Variants in MACROD2 observed in about 807,000 individuals in gnomAD.
The protein encoded by MACROD2 is mono-ADP ribosylhydrolase 2, also known as ADP-ribose glycohydrolase MACROD2.
Under a neutral mutation model 70.4 loss-of-function variants are expected in MACROD2, and 36 were observed. The ratio of observed to expected loss-of-function variants is 0.51; its 90% CI spans 0.39 to 0.68. The LOEUF (loss-of-function observed/expected upper bound fraction) is 0.68. Ranked by LOEUF, MACROD2 falls within the 30% of genes least tolerant of loss-of-function variation. The probability of loss-of-function intolerance (pLI) is 0.00; values close to 1 mark genes in which losing one functional copy is unlikely to be tolerated. For missense variants in MACROD2, 496 were observed against 538.4 expected (o/e 0.92, Z 0.78); for synonymous variants, 172 against 178.8 (o/e 0.96, Z 0.30).
chr20:15,637,455 C>T (rs937478310), intron 8 of MACROD2, among the ~76,000 whole-genome samples: 6 of 152,184 alleles, frequency 3.9e-5, no homozygotes, highest in African/African-American at 1.4e-4. Context: ...ACTAGGAGAA[C>T]CCAGGGGACC....
intron 3 of MACROD2, among the ~76,000 whole-genome samples, chr20:14,095,270 T>C (rs1238669306): frequency 6.6e-6 from 1 of 151,926 alleles, no homozygotes; most frequent in African/African-American, 2.4e-5. Flanking sequence ...TAAAAAAAAA[T>C]TGTGGGAAAC....
intron 3 of MACROD2, among the ~76,000 whole-genome samples, chr20:14,224,670 A>T (rs914189726): frequency 6.6e-6 from 1 of 152,186 alleles, no homozygotes; most frequent in Non-Finnish European, 1.5e-5. Flanking sequence ...TTTAGAGGTC[A>T]TTTATTGTGA....
chr20:15,740,894 C>T (rs1392582486), intron 8 of MACROD2, among the ~76,000 whole-genome samples: 2 of 151,972 alleles, frequency 1.3e-5, no homozygotes, highest in East Asian at 1.9e-4. Flanking sequence ...CTCCACTGCT[C>T]GCGTGCTATC....
At chr20:15,967,525 A>G (rs752683011) in intron 12 of MACROD2, 28 bp from the exon 13 acceptor site, 12 of 1,590,356 alleles carry the variant, frequency 7.5e-6, no homozygotes, top group South Asian at 1.1e-5. Context: ...AAAAATGCTG[A>G]CCAAAGGTTT....
intron 8 of MACROD2, among the ~76,000 whole-genome samples, chr20:15,811,325 A>G (rs934617054): frequency 1.3e-5 from 2 of 151,844 alleles, no homozygotes; most frequent in East Asian, 3.9e-4. Flanking sequence ...CAGCCAAAAA[A>G]CACATGAAAA....
chr20:15,051,465 G>A (rs1456219432), intron 5 of MACROD2, among the ~76,000 whole-genome samples: 1 of 151,400 alleles, frequency 6.6e-6, no homozygotes, highest in East Asian at 1.9e-4. Flanking sequence ...CCATAGGGCA[G>A]GCAGGACAGC....
intron 8 of MACROD2, among the ~76,000 whole-genome samples, chr20:15,606,223 C>G (rs1466402673): frequency 6.6e-6 from 1 of 152,100 alleles, no homozygotes; most frequent in African/African-American, 2.4e-5. Flanking sequence ...TCTCAGTCGC[C>G]TTTTTAGCAG....
At chr20:14,743,726 G>T (rs569264820) in intron 5 of MACROD2, among the ~76,000 whole-genome samples, 1 of 152,296 alleles carries the variant, frequency 6.6e-6, no homozygotes, top group South Asian at 2.1e-4. Flanking sequence ...TTCCATATAT[G>T]TCCATATCCT....
At chr20:14,940,773 A>G (rs993713302) in intron 5 of MACROD2, among the ~76,000 whole-genome samples, 5 of 151,948 alleles carry the variant, frequency 3.3e-5, no homozygotes, top group African/African-American at 4.8e-5. Context: ...TATCTTTTCA[A>G]TGTGTTGTAA....
intron 6 of MACROD2, among the ~76,000 whole-genome samples, chr20:15,298,228 G>C (rs2077609259): frequency 6.6e-6 from 1 of 152,210 alleles, no homozygotes; most frequent in African/African-American, 2.4e-5. Flanking sequence ...GAAGCCTCTG[G>C]AACAGGGGTT....
rs113058836 is a variant in MACROD2, at chr20:14,886,149, G to A, written c.418+201190G>A. On this transcript the variant is annotated intron_variant, in intron 5 of 17. Coordinates refer to ENST00000684519, the MANE Select transcript of MACROD2 (RefSeq NM_001351661.2). ...ATGTTGCAGTTTTGGCAAAATCCAG[G>A]TAAGGCCCCACTGGGCAGGTGTCAT... Among the ~76,000 whole-genome samples the A allele has an allele frequency of 1.4e-3, 220 of 152,272 alleles. 2 individuals are homozygous for A. The highest frequency in any genetic ancestry group is 4.7e-3 in the African/African-American group (197 of 41,560).
At chr20:15,678,576 G>A (rs946232463) in intron 8 of MACROD2, among the ~76,000 whole-genome samples, 17 of 152,204 alleles carry the variant, frequency 1.1e-4, no homozygotes, top group Non-Finnish European at 1.5e-5. Context: ...AGCCAGGATG[G>A]TCTCAATCTC....
intron 3 of MACROD2, among the ~76,000 whole-genome samples, chr20:14,206,312 C>A (rs1009737171): frequency 6.6e-6 from 1 of 152,198 alleles, no homozygotes; most frequent in Non-Finnish European, 1.5e-5. Context: ...CGCTGTGGAA[C>A]TGATGGGGCA....
At chr20:15,704,061 A>G (rs1378793470) in intron 8 of MACROD2, among the ~76,000 whole-genome samples, 1 of 152,210 alleles carries the variant, frequency 6.6e-6, no homozygotes, top group Non-Finnish European at 1.5e-5. Flanking sequence ...ACCATCTTGG[A>G]GCCACACCAT....
intron 8 of MACROD2, among the ~76,000 whole-genome samples, chr20:15,716,867 A>G (rs1272431847): frequency 6.6e-6 from 1 of 152,198 alleles, no homozygotes; most frequent in Admixed American, 6.5e-5. Flanking sequence ...TGTAATGGGA[A>G]ATGAAAATAT....
chr20:14,398,506 G>A (rs28531373), intron 3 of MACROD2, among the ~76,000 whole-genome samples: 2,800 of 151,638 alleles, frequency 0.018, 94 homozygotes, highest in African/African-American at 0.064. Context: ...GATTAGTGAT[G>A]TGGAGCATCA....
At chr20:15,496,028 C>T (rs62193936) in intron 7 of MACROD2, among the ~76,000 whole-genome samples, 2,176 of 152,222 alleles carry the variant, frequency 0.014, 19 homozygotes, top group Non-Finnish European at 0.021. Flanking sequence ...AGTGTCGTTG[C>T]AGTGGAGGAA....
At position 14,386,275 on chromosome 20, in the gene MACROD2, A is replaced by G. The variant is rs1299192474; in HGVS notation, c.272-107204A>G. On this transcript the variant is annotated intron_variant, in intron 3 of 17. Coordinates refer to ENST00000684519, the MANE Select transcript of MACROD2 (RefSeq NM_001351661.2). ...TGCACAGTAGCAGTCTATAAAATCT[A>G]TCTTGTAGAATTCATGGTTTTCTAA... is the stretch of plus-strand genomic sequence containing the variant. Among the ~76,000 whole-genome samples, 5 of 152,192 alleles carry G rather than the reference A, an allele frequency of 3.3e-5. No individual in the cohort carries two copies. The South Asian group carries it at 8.3e-4, about 25-fold the overall frequency.
At chr20:14,568,482 T>A (rs1979956571) in intron 4 of MACROD2, among the ~76,000 whole-genome samples, 1 of 152,058 alleles carries the variant, frequency 6.6e-6, no homozygotes, top group Non-Finnish European at 1.5e-5. Flanking sequence ...TGCAAAGCAT[T>A]CATGAAGATT....
Sources: allele counts gnomAD v4.1 joint callset (sites outside exome capture counted in the v4.1 genomes callset), GRCh38; gene constraint gnomAD v4.1.1; transcripts MANE v1.5; gene names NCBI Gene and HGNC (gene_info 2026-07-23, HGNC 2026-07-21).